HNMT: variants seen among roughly 807,000 people sequenced by gnomAD.
The protein encoded by HNMT is histamine N-methyltransferase.
Under a neutral mutation model 32.1 loss-of-function variants are expected in HNMT, and 30 were observed. That is an observed-to-expected ratio of 0.93 (90% CI 0.70 to 1.27). The LOEUF (loss-of-function observed/expected upper bound fraction) is 1.27, where lower values mean the gene tolerates loss of function less well. HNMT is among the 50% of genes most tolerant of loss of function. HNMT has a pLI of 0.00. For synonymous variants in HNMT, 125 were observed against 119.0 expected, an observed-to-expected ratio of 1.05 and a Z score of -0.33; for missense variants, 327 against 346.0, an observed-to-expected ratio of 0.95 and a Z score of 0.43.
Position 138,003,455 on chromosome 2 carries a change from A to T in HNMT, c.429+1261A>T, listed in dbSNP as rs186100918. Among the ~76,000 whole-genome samples the T allele has an allele frequency of 4.2e-3, 634 of 152,256 alleles. 3 individuals carry two copies. Among genetic ancestry groups the T allele is most frequent in the African/African-American group, 0.014 (599 of 41,568 alleles). On this transcript the variant is annotated intron_variant, in intron 4 of 5. Coordinates refer to ENST00000280097, the MANE Select transcript of HNMT (RefSeq NM_006895.3). ...ATAATCACCCCAAAAGAATAAACTT[A>T]CAAGAAGTCAAAGGAAGAAATACTC...
rs1679990562 is a variant in HNMT, at chr2:137,967,331, A to G, written c.137+2703A>G. On this transcript the variant is annotated intron_variant, in intron 1 of 5. Transcript: ENST00000280097. ...AGTGGGAAGATCACTTAAGTCCGAG[A>G]GATCGAGGCTTCAGTGAGATATGGC... is the stretch of plus-strand genomic sequence containing the variant. 7.7e-6 allele frequency: 4 copies of G among 519,370 alleles called. No homozygotes were observed. The South Asian group carries it at 1.2e-4, about 15-fold the overall frequency. The allele number at this position is 519,370 out of a possible 1,614,324, so 32.2% of individuals were successfully genotyped here.
At chr2:138,012,740 C>T (rs773675963) in intron 5 of HNMT, among the ~76,000 whole-genome samples, 6 of 152,084 alleles carry the variant, frequency 3.9e-5, no homozygotes, top group Admixed American at 2.0e-4. Context: ...TCTTCTCAGG[C>T]GCCCTCACAG....
chr2:137,970,299 A>G, intron 2 of HNMT, 82 bp downstream of exon 2: 1 of 823,826 alleles, frequency 1.2e-6, no homozygotes, highest in East Asian at 2.7e-5. Flanking sequence ...TTTTTTAGGA[A>G]GACTTTTTTT....
chr2:138,002,199 G>T lies in HNMT; in HGVS notation c.429+5G>T, dbSNP rs753043837. On this transcript the variant is annotated splice_donor_5th_base_variant and intron_variant, in intron 4 of 5. Transcript: ENST00000280097. ...GACTTTATTCATATGATTCAAGTAAGAAATATGTATTATAATATATACTCA... is the reference window on the plus strand; with the variant it reads ...GACTTTATTCATATGATTCAAGTAATAAATATGTATTATAATATATACTCA... The T allele has an allele frequency of 6.6e-7, 1 of 1,524,006 alleles. No individual in the cohort carries two copies. The highest frequency in any genetic ancestry group is 9.0e-7 in the Non-Finnish European group (1 of 1,112,340). 94.4% of individuals were successfully genotyped at this position (1,524,006 alleles called of 1,614,324 possible). A position where few individuals can be genotyped will look rare whatever the true frequency, so the allele number is the denominator to read the frequency against.
intron 2 of HNMT, among the ~76,000 whole-genome samples, chr2:137,991,161 C>T (rs1252813122): frequency 2.6e-5 from 4 of 152,334 alleles, no homozygotes; most frequent in Admixed American, 2.0e-4. Flanking sequence ...AGAAGGTACA[C>T]AGAGCTTTCA....
chr2:137,969,597 A>C (rs571986517), intron 1 of HNMT, among the ~76,000 whole-genome samples: 43 of 151,988 alleles, frequency 2.8e-4, no homozygotes, highest in Non-Finnish European at 4.4e-4. Context: ...CTACTGGCTT[A>C]TTTCCCAATC....
At chr2:137,983,382 C>T (rs558808384) in intron 2 of HNMT, among the ~76,000 whole-genome samples, 5 of 152,036 alleles carry the variant, frequency 3.3e-5, no homozygotes, top group Admixed American at 1.3e-4. Context: ...TTTATGTTTC[C>T]GATTACCAAT....
intron 3 of HNMT, 137 bp downstream of exon 3, chr2:138,001,162 C>T: frequency 2.0e-6 from 1 of 507,764 alleles, no homozygotes; most frequent in Non-Finnish European, 3.5e-6. Flanking sequence ...TGAATTAGTT[C>T]TTGGCAGGCA....
chr2:138,014,254 G>T lies in HNMT; in HGVS notation c.*124G>T. The T allele has an allele frequency of 1.5e-6, 1 of 659,558 alleles. No individual in the cohort carries two copies. The highest frequency in any genetic ancestry group is 2.5e-6 in the Non-Finnish European group (1 of 393,752). The allele number at this position is 659,558 out of a possible 1,614,324, so 40.9% of individuals were successfully genotyped here. A position where few individuals can be genotyped will look rare whatever the true frequency, so the allele number is the denominator to read the frequency against. On this transcript the variant is annotated 3_prime_UTR_variant, in exon 6 of 6. Coordinates refer to ENST00000280097, the MANE Select transcript of HNMT (RefSeq NM_006895.3). ...ATAAAGCACTGTTTGGATATGAGAT[G>T]TAGCAAATTCCAATACATTATTGGA...
Position 137,970,189 on chromosome 2 carries a change from T to TAAG in HNMT, c.164_166dup (p.Lys55dup). ...GGATTGGAGACACAAAATCAGAAAT[T>TAAG]AAGATTCTAAGCATAGGCGGAGGTG... On this transcript the variant is annotated inframe_insertion, in exon 2 of 6. Transcript: ENST00000280097. 6.3e-7 allele frequency: 1 copy of TAAG among 1,578,534 alleles called. No homozygotes were observed. Among genetic ancestry groups the TAAG allele is most frequent in the East Asian group, 2.2e-5 (1 of 44,464 alleles).
chr2:137,989,550 A>C (rs1247997770), intron 2 of HNMT, among the ~76,000 whole-genome samples: 1 of 152,232 alleles, frequency 6.6e-6, no homozygotes, highest in African/African-American at 2.4e-5. Flanking sequence ...GAATAAAGCT[A>C]ATAAACATCT....
Position 138,013,563 on chromosome 2 carries a change from C to T in HNMT, c.524-212C>T, listed in dbSNP as rs185168832. ...ACAGCAGCCCATCAAAGTCTTTAAC[C>T]CTCTTAGCATTTACTCAGATTACTT... is the stretch of plus-strand genomic sequence containing the variant. On this transcript the variant is annotated intron_variant, in intron 5 of 5. Coordinates refer to ENST00000280097, the MANE Select transcript of HNMT (RefSeq NM_006895.3). Among the ~76,000 whole-genome samples, 115 of 152,208 alleles carry T rather than the reference C, an allele frequency of 7.6e-4. 1 individual carries two copies. Among genetic ancestry groups the T allele is most frequent in the African/African-American group, 2.7e-3 (114 of 41,550 alleles).
intron 4 of HNMT, chr2:138,002,592 TG>T (rs1245978608): frequency 1.0e-5 from 2 of 191,556 alleles, no homozygotes; most frequent in Non-Finnish European, 1.9e-5. Context: ...AGACCACAGG[TG>T]TGCACCACCA....
chr2:137,964,547 T>C lies in HNMT; in HGVS notation c.56T>C (p.Phe19Ser). 6.2e-7 allele frequency: 1 copy of C among 1,613,762 alleles called. No homozygotes were observed. Among genetic ancestry groups the C allele is most frequent in the Non-Finnish European group, 8.5e-7 (1 of 1,179,740 alleles). Reference protein sequence around the residue: ...FSDHGKYVESFRRFLNHSTEH... With the variant: ...FSDHGKYVESSRRFLNHSTEH... ...GACCACGGGAAATATGTTGAATCTT[T>C]CCGGAGGTTTCTCAACCATTCCACG... Residue 19 changes from phenylalanine to serine, a missense_variant, in exon 1 of 6, where the codon TTC (phenylalanine) becomes TCC (serine). Transcript: ENST00000280097.
chr2:137,994,283 A>G lies in HNMT; in HGVS notation c.191-6635A>G, dbSNP rs140020556. ...TCAGTGTGCTGTATTCAGGAGACCC[A>G]TCTCATGTGCAAAGACATGCATAGG... On this transcript the variant is annotated intron_variant, in intron 2 of 5. Coordinates refer to ENST00000280097, the MANE Select transcript of HNMT (RefSeq NM_006895.3). 7.6e-4 allele frequency among the ~76,000 whole-genome samples: 116 copies of G among 152,376 alleles called. 1 individual carries two copies. The highest frequency in any genetic ancestry group is 2.7e-3 in the African/African-American group (113 of 41,592).
intron 5 of HNMT, among the ~76,000 whole-genome samples, chr2:138,009,957 T>G (rs993891): frequency 0.65 from 99,159 of 151,902 alleles, 35,007 homozygotes; most frequent in Non-Finnish European, 0.8. Context: ...AGTTGAATAT[T>G]GACCCAGAAC....
intron 2 of HNMT, among the ~76,000 whole-genome samples, chr2:137,998,395 A>C (rs190185593): frequency 6.6e-6 from 1 of 152,296 alleles, no homozygotes; most frequent in Non-Finnish European, 1.5e-5. Flanking sequence ...AGTTAGGACC[A>C]AAAAACGAAA....
At chr2:137,972,812 A>G (rs1010713033) in intron 2 of HNMT, among the ~76,000 whole-genome samples, 2 of 152,230 alleles carry the variant, frequency 1.3e-5, no homozygotes, top group Non-Finnish European at 2.9e-5. Flanking sequence ...ATTAAAAACA[A>G]TCTCTATCAT....
At chr2:137,992,968 A>T (rs574116678) in intron 2 of HNMT, among the ~76,000 whole-genome samples, 1 of 150,566 alleles carries the variant, frequency 6.6e-6, no homozygotes, top group South Asian at 2.1e-4. Context: ...CCATTGAAAG[A>T]AAAAAAACAA....
Sources: allele counts gnomAD v4.1 joint callset (sites outside exome capture counted in the v4.1 genomes callset), GRCh38; gene constraint gnomAD v4.1.1; transcripts MANE v1.5; gene names NCBI Gene and HGNC (gene_info 2026-07-23, HGNC 2026-07-21).